CD163L1: variants seen among roughly 807,000 people sequenced by gnomAD.
CD163L1 encodes CD163 molecule like 1.
A neutral mutation model predicts 165.4 loss-of-function variants in CD163L1; 124 were observed. That is an observed-to-expected ratio of 0.75 (90% CI 0.65 to 0.87). The LOEUF is 0.87. Ranked by LOEUF, CD163L1 falls within the 40% of genes least tolerant of loss-of-function variation. CD163L1 has a pLI of 0.00. For missense variants in CD163L1, 1,525 were observed against 1,799.9 expected, an observed-to-expected ratio of 0.85 and a Z score of 2.76; for synonymous variants, 585 against 662.2, an observed-to-expected ratio of 0.88 and a Z score of 1.79.
At chr12:7,397,496 G>A (rs897085942) in intron 7 of CD163L1, among the ~76,000 whole-genome samples, 2 of 152,178 alleles carry the variant, frequency 1.3e-5, no homozygotes, top group East Asian at 1.9e-4. Context: ...AATTAGGATG[G>A]GGCCATAGGG....
At chr12:7,333,222 T>C in the CD163L1 span, among the ~76,000 whole-genome samples, 15 of 152,288 alleles carry the variant, frequency 9.8e-5, no homozygotes, top group African/African-American at 3.6e-4. Context: ...TGTTCCAAAA[T>C]TGACCGCATA....
At chr12:7,336,655 T>G in the CD163L1 span, among the ~76,000 whole-genome samples, 1 of 151,898 alleles carries the variant, frequency 6.6e-6, no homozygotes, top group East Asian at 1.9e-4. Context: ...ACTTAAAGTA[T>G]AATAATAATA....
intron 4 of CD163L1, among the ~76,000 whole-genome samples, chr12:7,427,418 A>G (rs1948563472): frequency 6.6e-6 from 1 of 152,162 alleles, no homozygotes; most frequent in Non-Finnish European, 1.5e-5. Context: ...TGTTCATTCT[A>G]CCTCAAAAGA....
At chr12:7,373,231 A>G (rs1317807053) in intron 14 of CD163L1, 89 bp downstream of exon 14, 2 of 1,099,916 alleles carry the variant, frequency 1.8e-6, no homozygotes, top group Non-Finnish European at 2.6e-6. Context: ...TGAGTCTGCC[A>G]TGTGCTCCTG....
intron 4 of CD163L1, among the ~76,000 whole-genome samples, chr12:7,421,461 A>ATACATATATATACATGTACATATG: frequency 1.1e-5 from 1 of 91,354 alleles, no homozygotes. Flanking sequence ...ATGTACATAT[A>ATACATATATATACATGTACATATG]TACATATATA....
Position 7,347,505 on chromosome 12 carries a change from C to T in CD163L1, c.*25-358G>A, listed in dbSNP as rs1334156831. On this transcript the variant is annotated intron_variant, in intron 4 of 4. Coordinates refer to the CD163L1 transcript ENST00000539726. The surrounding 1 kb of genome is among the most constrained non-coding windows in gnomAD (Gnocchi z 4.2). ...GTAAAAAGGAATGGTCTCGGCCGGG[C>T]GCGGTGGCTCACGCTTGTAATCCCA... Among the ~76,000 whole-genome samples, 1 of 152,068 alleles carries T rather than the reference C, an allele frequency of 6.6e-6. No homozygotes were observed. The highest frequency in any genetic ancestry group is 1.5e-5 in the Non-Finnish European group (1 of 68,000).
At chr12:7,320,395 TTACAC>T in the CD163L1 span, among the ~76,000 whole-genome samples, 1 of 152,224 alleles carries the variant, frequency 6.6e-6, no homozygotes, top group African/African-American at 2.4e-5. Context: ...GGTTACAAGA[TTACAC>T]TATAAGAGGT....
In CD163L1 at chr12:7,421,023, A is replaced by G. The variant is rs780380461; in HGVS notation, c.766+11393T>C. 6.4e-3 allele frequency among the ~76,000 whole-genome samples: 520 copies of G among 81,328 alleles called. 6 individuals carry two copies. The highest frequency in any genetic ancestry group is 0.032 in the African/African-American group (481 of 14,806). The allele number at this position is 81,328 out of a possible 152,430, so 53.4% of individuals were successfully genotyped here. A position where few individuals can be genotyped will look rare whatever the true frequency, so the allele number is the denominator to read the frequency against. On this transcript the variant is annotated intron_variant, in intron 4 of 19. Transcript: ENST00000313599. The stretch of plus-strand genomic sequence containing the variant: ...TATATATATATACGTGTATATATAT[A>G]CATATATATATACGTGTATATATAT...
At chr12:7,434,724 G>C (rs772033362) in intron 2 of CD163L1, among the ~76,000 whole-genome samples, 2 of 152,138 alleles carry the variant, frequency 1.3e-5, no homozygotes, top group East Asian at 1.9e-4. Context: ...GAGACAGACA[G>C]AGACAGAGAG....
rs772410911 is a variant in CD163L1, at chr12:7,374,444, G to A, written c.3407C>T (p.Ser1136Leu). The A allele has an allele frequency of 6.2e-6, 10 of 1,609,866 alleles. No individual in the cohort carries two copies. The highest frequency in any genetic ancestry group is 2.2e-5 in the South Asian group (2 of 90,090). Residue 1136 changes from serine (S) to leucine (L), a missense_variant and splice_region_variant, in exon 13 of 20, where the codon TCA becomes TTA. Coordinates refer to ENST00000313599, the MANE Select transcript of CD163L1 (RefSeq NM_174941.6). This position sits in a 1 kb window ranked among gnomAD's most constrained non-coding sequence, Gnocchi z 5.4. ...RHKEDAGVIC[S>L]EFTALRLYSE... ...GGTGAAAAGGTAGCAGCACAGACCT[G>A]AGCAGATGACCCCTGCGTCCTCCTT...
intron 8 of CD163L1, among the ~76,000 whole-genome samples, chr12:7,394,698 AC>A: frequency 6.6e-6 from 1 of 152,348 alleles, no homozygotes; most frequent in South Asian, 2.1e-4. Flanking sequence ...TACCCATCTG[AC>A]AAAGGGCTAA....
At chr12:7,395,589 A>G (rs1034598040) in intron 8 of CD163L1, among the ~76,000 whole-genome samples, 3 of 152,200 alleles carry the variant, frequency 2.0e-5, no homozygotes, top group African/African-American at 7.2e-5. Flanking sequence ...AACTTAAAGT[A>G]TAATAATAAA....
intron 7 of CD163L1, among the ~76,000 whole-genome samples, chr12:7,396,935 G>T (rs1947791022): frequency 6.6e-6 from 1 of 152,022 alleles, no homozygotes; most frequent in African/African-American, 2.4e-5. Context: ...GCAGATTTTG[G>T]TACTAATAGT....
intron 2 of CD163L1, chr12:7,438,697 G>A: frequency 1.3e-6 from 1 of 756,366 alleles, no homozygotes. Flanking sequence ...CTTTCTCATA[G>A]CTTGACTGTT....
the CD163L1 span, chr12:7,323,087 G>T: frequency 1.4e-6 from 1 of 712,708 alleles, no homozygotes. Context: ...CGAAGTTTGA[G>T]AACTACTGGT....
chr12:7,398,191 T>C lies in CD163L1; in HGVS notation c.1729+73A>G. 1 of 1,390,910 alleles carries C rather than the reference T, an allele frequency of 7.2e-7. No homozygotes were observed. The highest frequency in any genetic ancestry group is 1.4e-5 in the South Asian group (1 of 73,086). 86.2% of individuals were successfully genotyped at this position (1,390,910 alleles called of 1,614,324 possible). A position where few individuals can be genotyped will look rare whatever the true frequency, so the allele number is the denominator to read the frequency against. Reference sequence around the variant, plus strand: ...CAATTCCCACATGTAAGCCAGTTTATAGACCCAGAAGCCCTTCCTATGAGG... The same window carrying C: ...CAATTCCCACATGTAAGCCAGTTTACAGACCCAGAAGCCCTTCCTATGAGG... On this transcript the variant is annotated intron_variant, in intron 7 of 19. Transcript: ENST00000313599. This position sits in a 1 kb window ranked among gnomAD's most constrained non-coding sequence, Gnocchi z 4.5.
intron 4 of CD163L1, among the ~76,000 whole-genome samples, chr12:7,422,955 A>G (rs142579437): frequency 6.6e-6 from 1 of 152,132 alleles, no homozygotes; most frequent in African/African-American, 2.4e-5. Flanking sequence ...TCAAGAGTTC[A>G]ACTCAGCTCT....
intron 6 of CD163L1, among the ~76,000 whole-genome samples, chr12:7,399,144 CTTCCTTCCTTCCTTCT>C (rs938467914): frequency 1.3e-4 from 20 of 148,186 alleles, no homozygotes; most frequent in Admixed American, 6.7e-4. Flanking sequence ...TCCTTCCTTT[CTTCCTTCCTTCCTTCT>C]TTCCTTCCTT....
At chr12:7,416,580 T>C (rs767813826) in intron 4 of CD163L1, among the ~76,000 whole-genome samples, 1 of 152,356 alleles carries the variant, frequency 6.6e-6, no homozygotes, top group South Asian at 2.1e-4. Context: ...TAATCCATCT[T>C]GAATTAATTT....
Sources: allele counts gnomAD v4.1 joint callset (sites outside exome capture counted in the v4.1 genomes callset), GRCh38; gene constraint gnomAD v4.1.1; non-coding constraint Gnocchi (gnomAD v3.1); transcripts MANE v1.5; gene names NCBI Gene and HGNC (gene_info 2026-07-23, HGNC 2026-07-21).